Variants in DKK3 observed in about 807,000 individuals in gnomAD.
DKK3 encodes the protein dickkopf Wnt signaling pathway inhibitor 3, also known as dickkopf-related protein 3.
Under a neutral mutation model 33.2 loss-of-function variants are expected in DKK3, and 22 were observed. That is an observed-to-expected ratio of 0.66 (90% CI 0.47 to 0.95). The LOEUF is 0.95. Among genes scored for constraint, DKK3 ranks in the 40% least tolerant of loss-of-function variants. The probability of loss-of-function intolerance (pLI) is 0.00; values close to 1 mark genes in which losing one functional copy is unlikely to be tolerated. For synonymous variants in DKK3, 194 were observed against 188.8 expected, an observed-to-expected ratio of 1.03 and a Z score of -0.23; for missense variants, 398 against 458.4, an observed-to-expected ratio of 0.87 and a Z score of 1.20.
chr11:11,963,753 C>T lies in DKK3; in HGVS notation c.*711G>A, dbSNP rs1029473168. 1.3e-5 allele frequency: 2 copies of T among 152,436 alleles called. No homozygotes were observed. Among genetic ancestry groups the T allele is most frequent in the Non-Finnish European group, 1.5e-5 (1 of 68,098 alleles). 9.4% of individuals were successfully genotyped at this position (152,436 alleles called of 1,614,324 possible). A position where few individuals can be genotyped will look rare whatever the true frequency, so the allele number is the denominator to read the frequency against. ...AGCTTAGAGTCACAACCAGATGAAA[C>T]TGCTCTGGTCTTCACTAGCTGTGTG... On this transcript the variant is annotated 3_prime_UTR_variant, in exon 7 of 7. Transcript: ENST00000683431.
intron 3 of DKK3, among the ~76,000 whole-genome samples, chr11:11,987,792 C>A (rs1207283621): frequency 6.6e-6 from 1 of 152,208 alleles, no homozygotes; most frequent in Non-Finnish European, 1.5e-5. Flanking sequence ...GGTCTAGCAC[C>A]TTAGCCACCA....
intron 1 of DKK3, among the ~76,000 whole-genome samples, chr11:12,007,151 G>A (rs1319809185): frequency 6.6e-6 from 1 of 152,180 alleles, no homozygotes; most frequent in African/African-American, 2.4e-5. Flanking sequence ...CAGGCTAACT[G>A]TTGTGGAGTG....
chr11:11,974,619 C>T (rs1451122203), intron 3 of DKK3, among the ~76,000 whole-genome samples: 2 of 152,158 alleles, frequency 1.3e-5, no homozygotes. Flanking sequence ...TCTAAATACC[C>T]CTTAAAGGTC....
chr11:11,966,895 G>A (rs7480026), intron 5 of DKK3, 59 bp downstream of exon 5: 138,887 of 1,591,556 alleles, frequency 0.087, 13,923 homozygotes, highest in African/African-American at 0.52. Flanking sequence ...GCTCCAGGAG[G>A]TCCAGTGTGG....
upstream of DKK3, chr11:12,008,630 C>A: frequency 1.5e-6 from 2 of 1,320,836 alleles, no homozygotes; most frequent in African/African-American, 1.5e-5. The surrounding 1 kb of genome is among the most constrained non-coding windows in gnomAD (Gnocchi z 4.6). Context: ...GGAACGCGAT[C>A]AGAGGCGCGC....
At chr11:11,973,072 A>G (rs1847758399) in intron 3 of DKK3, among the ~76,000 whole-genome samples, 1 of 152,190 alleles carries the variant, frequency 6.6e-6, no homozygotes, top group Non-Finnish European at 1.5e-5. Context: ...CCTGAAGTGA[A>G]AGGCACATCA....
Position 11,998,578 on chromosome 11 carries a change from G to A in DKK3, c.435+118C>T. The A allele has an allele frequency of 9.4e-6, 8 of 853,264 alleles. 1 individual carries two copies. In the South Asian group the frequency reaches 9.8e-5, roughly 10 times the overall value. 52.9% of individuals were successfully genotyped at this position (853,264 alleles called of 1,614,324 possible). ...GGAATTGAGGAATCTCGGTAGAAAT[G>A]AGTCAGGAGACTCCACTCCCTCCTG... is the stretch of plus-strand genomic sequence containing the variant. On this transcript the variant is annotated intron_variant, in intron 3 of 6. Coordinates refer to ENST00000683431, the MANE Select transcript of DKK3 (RefSeq NM_001018057.2).
At chr11:12,006,548 GT>G (rs1353135784) in intron 1 of DKK3, among the ~76,000 whole-genome samples, 3 of 151,990 alleles carry the variant, frequency 2.0e-5, no homozygotes, top group Non-Finnish European at 2.9e-5. Context: ...AAAGAGTGGG[GT>G]AGAAGTGACA....
intron 3 of DKK3, among the ~76,000 whole-genome samples, chr11:11,981,882 A>G (rs1231077434): frequency 6.6e-6 from 1 of 150,788 alleles, no homozygotes; most frequent in East Asian, 2.0e-4. Context: ...ATTATCATCC[A>G]TGGCTAGGCA....
chr11:12,009,296 C>A, upstream of DKK3: 1 of 983,512 alleles, frequency 1.0e-6, no homozygotes, highest in Non-Finnish European at 1.2e-6. Flanking sequence ...GGGAGCGCGG[C>A]GGGGTGCGGC....
At position 11,964,496 on chromosome 11, in the gene DKK3, C is replaced by T. The variant is rs370011644; in HGVS notation, c.1021G>A (p.Ala341Thr). The T allele has an allele frequency of 5.0e-6, 8 of 1,612,928 alleles. No individual in the cohort carries two copies. Among genetic ancestry groups the T allele is most frequent in the African/African-American group, 2.7e-5 (2 of 75,048 alleles). ...EMALREPAAA[A>T]AALLGGEEI is the part of the protein sequence containing the mutation. ...TCTTCCCCTCCCAGCAGTGCAGCGGCGGCAGCCGCAGGCTCCCTCAGCGCC... is the reference window on the plus strand; with the variant it reads ...TCTTCCCCTCCCAGCAGTGCAGCGGTGGCAGCCGCAGGCTCCCTCAGCGCC... The change falls in exon 7 of 7, where the codon GCC becomes ACC. Residue 341 changes from alanine (A) to threonine (T), a missense_variant. By Grantham distance (58) the Ala-to-Thr change is moderately conservative (BLOSUM62 0). Transcript: ENST00000683431.
chr11:11,997,707 A>G (rs1424142806), intron 3 of DKK3, among the ~76,000 whole-genome samples: 1 of 152,064 alleles, frequency 6.6e-6, no homozygotes, highest in Non-Finnish European at 1.5e-5. Flanking sequence ...CATTGCACAC[A>G]GCCAACTGGA....
intron 2 of DKK3, 32 bp from the exon 3 acceptor site, chr11:11,998,811 T>C (rs772203490): frequency 2.4e-5 from 37 of 1,572,884 alleles, no homozygotes; most frequent in East Asian, 1.3e-4. Context: ...GAAAGTAAAA[T>C]AGAAGGAATT....
intron 1 of DKK3, 111 bp from the exon 2 acceptor site, chr11:12,002,548 T>A (rs1848453057): frequency 8.7e-7 from 1 of 1,146,808 alleles, no homozygotes; most frequent in Non-Finnish European, 1.2e-6. Flanking sequence ...AGAATGATGA[T>A]GATGATAGGT....
chr11:11,974,002 G>T (rs1021783946), intron 3 of DKK3, among the ~76,000 whole-genome samples: 6 of 152,232 alleles, frequency 3.9e-5, no homozygotes, highest in African/African-American at 1.4e-4. Context: ...ACACTTCTCA[G>T]GAATCCCAGA....
chr11:12,008,424 C>T lies in DKK3; in HGVS notation c.159G>A (p.Glu53=). 1 of 1,611,320 alleles carries T rather than the reference C, an allele frequency of 6.2e-7. No individual in the cohort carries two copies. The highest frequency in any genetic ancestry group is 8.5e-7 in the Non-Finnish European group (1 of 1,179,502). ...EEATLNEMFR[E]VEELMEDTQH... is the part of the protein sequence containing the mutation. The stretch of plus-strand genomic sequence containing the variant: ...GCGTGTCCTCCATCAGTTCCTCAAC[C>T]TCGCGGAACATCTCATTGAGGGTGG... Residue 53 remains glutamate, a synonymous_variant, in exon 1 of 7, where the codon GAG becomes GAA. Transcript: ENST00000683431. This position sits in a 1 kb window ranked among gnomAD's most constrained non-coding sequence, Gnocchi z 4.6.
intron 2 of DKK3, among the ~76,000 whole-genome samples, chr11:12,001,019 GT>G (rs1163401278): frequency 2.0e-5 from 3 of 152,288 alleles, no homozygotes; most frequent in African/African-American, 7.2e-5. Flanking sequence ...CATAAATGCA[GT>G]TAGTGAGAAT....
intron 3 of DKK3, among the ~76,000 whole-genome samples, chr11:11,985,636 C>G (rs1226367912): frequency 6.6e-6 from 1 of 152,224 alleles, no homozygotes; most frequent in Non-Finnish European, 1.5e-5. Flanking sequence ...AATCCCAACT[C>G]TGCCACTGAC....
intron 3 of DKK3, among the ~76,000 whole-genome samples, chr11:11,996,433 C>T (rs892766562): frequency 6.6e-6 from 1 of 152,202 alleles, no homozygotes; most frequent in African/African-American, 2.4e-5. Context: ...GATCTCACTT[C>T]CCTGACTCTG....
Sources: allele counts gnomAD v4.1 joint callset (sites outside exome capture counted in the v4.1 genomes callset), GRCh38; gene constraint gnomAD v4.1.1; non-coding constraint Gnocchi (gnomAD v3.1); transcripts MANE v1.5; gene names NCBI Gene and HGNC (gene_info 2026-07-23, HGNC 2026-07-21).